The following RAPGEF6 variants were observed in gnomAD, a reference collection of about 807,000 sequenced individuals.
RAPGEF6 encodes the protein Rap guanine nucleotide exchange factor 6, also known as PDZ domain containing guanine nucleotide exchange factor (GEF) 2.
A neutral mutation model predicts 171.4 loss-of-function variants in RAPGEF6; 56 were observed. That is an observed-to-expected ratio of 0.33 (90% CI 0.26 to 0.41). RAPGEF6 has a LOEUF of 0.41. RAPGEF6 is among the 10% of genes least tolerant of loss of function. RAPGEF6 has a pLI of 1.00. For synonymous variants in RAPGEF6, 692 were observed against 650.1 expected (o/e 1.06, Z -0.98); for missense variants, 1,674 against 1,921.4 (o/e 0.87, Z 2.41).
chr5:131,613,924 T>C (rs895104858), intron 1 of RAPGEF6, among the ~76,000 whole-genome samples: 1 of 151,942 alleles, frequency 6.6e-6, no homozygotes, highest in Non-Finnish European at 1.5e-5. Context: ...AAGAACTGCA[T>C]AGAATCCGCT....
chr5:131,580,609 C>T (rs1303098727), intron 4 of RAPGEF6, among the ~76,000 whole-genome samples: 1 of 152,236 alleles, frequency 6.6e-6, no homozygotes, highest in Non-Finnish European at 1.5e-5. Context: ...AAAGGTTATT[C>T]ATAGACACTA....
intron 12 of RAPGEF6, among the ~76,000 whole-genome samples, chr5:131,496,541 G>A (rs1756651615): frequency 6.6e-6 from 1 of 152,128 alleles, no homozygotes; most frequent in African/African-American, 2.4e-5. Context: ...CCAGCCCCTG[G>A]CGGCCACTAG....
intron 3 of RAPGEF6, 141 bp from the exon 4 acceptor site, chr5:131,592,607 C>T: frequency 4.3e-6 from 6 of 1,410,312 alleles, no homozygotes; most frequent in Non-Finnish European, 5.6e-6. Context: ...GAATATTTTG[C>T]CTGTTGCCTA....
chr5:131,632,883 C>T (rs1442043631), intron 1 of RAPGEF6, among the ~76,000 whole-genome samples: 2 of 152,230 alleles, frequency 1.3e-5, no homozygotes, highest in East Asian at 3.8e-4. Context: ...TCTTATGCTG[C>T]TAGATGTCAG....
At position 131,428,889 on chromosome 5, in the gene RAPGEF6, C is replaced by G. The variant is rs1415566060; in HGVS notation, c.4780+13G>C. On this transcript the variant is annotated intron_variant, in intron 27 of 27. Coordinates refer to ENST00000509018, the MANE Select transcript of RAPGEF6 (RefSeq NM_016340.6). ...ATTCATTTAAGAGCCTTTAAGAGAG[C>G]TTGTCAACATACCATCTGCTTCGCT... The G allele has an allele frequency of 3.1e-6, 5 of 1,606,936 alleles. No individual in the cohort carries two copies. The highest frequency in any genetic ancestry group is 4.3e-6 in the Non-Finnish European group (5 of 1,174,626).
intron 9 of RAPGEF6, among the ~76,000 whole-genome samples, chr5:131,505,747 C>G (rs1470497122): frequency 1.3e-5 from 2 of 152,168 alleles, no homozygotes; most frequent in Non-Finnish European, 1.5e-5. Context: ...ACTGTCATAA[C>G]TGACCAGATT....
rs116020627 is a variant in RAPGEF6 at position 131,621,050 on chromosome 5, C to G, written c.69+13912G>C. Among the ~76,000 whole-genome samples the G allele has an allele frequency of 6.9e-3, 1,055 of 152,332 alleles. 8 individuals are homozygous for G. Among genetic ancestry groups the G allele is most frequent in the African/African-American group, 0.015 (620 of 41,574 alleles). ...ATTCTTGTCCCAGTGTTCCAGCTGC[C>G]TAGGCAACTTGCATGTACATACCAT... On this transcript the variant is annotated intron_variant, in intron 1 of 27. Coordinates refer to ENST00000509018, the MANE Select transcript of RAPGEF6 (RefSeq NM_016340.6).
At chr5:131,581,886 C>A (rs1762987237) in intron 4 of RAPGEF6, among the ~76,000 whole-genome samples, 1 of 151,936 alleles carries the variant, frequency 6.6e-6, no homozygotes. Flanking sequence ...TGACAATACA[C>A]CCTCCCTGCC....
chr5:131,504,526 A>C, intron 11 of RAPGEF6, 100 bp downstream of exon 11: 1 of 1,236,762 alleles, frequency 8.1e-7, no homozygotes, highest in Non-Finnish European at 1.1e-6. Context: ...CAAAGTGTTA[A>C]TGAATTATCT....
intron 6 of RAPGEF6, among the ~76,000 whole-genome samples, chr5:131,528,333 A>ATT (rs1391280439): frequency 3.6e-5 from 2 of 55,730 alleles, no homozygotes; most frequent in Non-Finnish European, 8.5e-5. Context: ...ATATATATAT[A>ATT]TATATACACA....
At chr5:131,623,764 C>A (rs1006298050) in intron 1 of RAPGEF6, among the ~76,000 whole-genome samples, 1 of 152,104 alleles carries the variant, frequency 6.6e-6, no homozygotes, top group African/African-American at 2.4e-5. Flanking sequence ...GGATTACAGG[C>A]GTGAGCCACT....
rs139780120 is a variant in RAPGEF6 at position 131,613,297 on chromosome 5, C to T, written c.70-8604G>A. ...TGGTGGCGGGCGCCTACAGTCCCAG[C>T]TTCTTGGGAGGCTGAGGCAGGAGAA... is the stretch of plus-strand genomic sequence containing the variant. On this transcript the variant is annotated intron_variant, in intron 1 of 27. Transcript: ENST00000509018. Among the ~76,000 whole-genome samples, 642 of 152,262 alleles carry T rather than the reference C, an allele frequency of 4.2e-3. 7 individuals carry two copies. The highest frequency in any genetic ancestry group is 0.015 in the African/African-American group (608 of 41,546).
rs1406603536 is a variant in RAPGEF6 at position 131,424,351 on chromosome 5, C to T, written c.*2915G>A. 2.0e-5 allele frequency: 3 copies of T among 152,346 alleles called. No individual in the cohort carries two copies. The highest frequency in any genetic ancestry group is 1.9e-4 in the East Asian group (1 of 5,338). 9.4% of individuals were successfully genotyped at this position (152,346 alleles called of 1,614,324 possible). A position where few individuals can be genotyped will look rare whatever the true frequency, so the allele number is the denominator to read the frequency against. On this transcript the variant is annotated 3_prime_UTR_variant, in exon 28 of 28. Transcript: ENST00000509018. Reference sequence around the variant, plus strand: ...TGAACATGTACTGTGACACTTTTGACACTTTTCTGAAGATTTATCCCGTTT... The same window carrying T: ...TGAACATGTACTGTGACACTTTTGATACTTTTCTGAAGATTTATCCCGTTT...
chr5:131,562,172 AC>A, intron 4 of RAPGEF6, 125 bp from the exon 5 acceptor site: 3 of 621,270 alleles, frequency 4.8e-6, no homozygotes, highest in Non-Finnish European at 8.1e-6. Context: ...TGATCCTGTC[AC>A]AATATTTATG....
At chr5:131,462,206 T>C in intron 18 of RAPGEF6, 118 bp from the exon 19 acceptor site, 1 of 856,850 alleles carries the variant, frequency 1.2e-6, no homozygotes. Flanking sequence ...GCCAAAAATA[T>C]TAATTTACAG....
chr5:131,573,105 T>C (rs1023018619), intron 4 of RAPGEF6, among the ~76,000 whole-genome samples: 1 of 152,056 alleles, frequency 6.6e-6, no homozygotes, highest in Non-Finnish European at 1.5e-5. Flanking sequence ...AATCCTCCTT[T>C]TCCACTGACC....
At chr5:131,609,472 C>T (rs975750957) in intron 1 of RAPGEF6, among the ~76,000 whole-genome samples, 7 of 152,152 alleles carry the variant, frequency 4.6e-5, no homozygotes, top group Admixed American at 4.6e-4. Context: ...AGGCATTAAA[C>T]ATGGAAGAGG....
intron 23 of RAPGEF6, chr5:131,439,926 T>C (rs1439521251): frequency 1.5e-5 from 12 of 816,938 alleles, no homozygotes; most frequent in Non-Finnish European, 2.2e-5. Flanking sequence ...CTGGTCAGCA[T>C]GGACCAGATT....
rs1055995319 is a variant in RAPGEF6 at position 131,442,277 on chromosome 5, G to A, written c.3610+72C>T. ...ACAACAGCTTATCTCCTGAACATCT[G>A]TAATTATTTTTCACTCTAACTCCCC... On this transcript the variant is annotated intron_variant, in intron 23 of 27. Transcript: ENST00000509018. The A allele has an allele frequency of 2.2e-6, 3 of 1,383,324 alleles. No individual in the cohort carries two copies. In the African/African-American group the frequency reaches 4.3e-5, roughly 20 times the overall value. 85.7% of individuals were successfully genotyped at this position (1,383,324 alleles called of 1,614,324 possible). A position where few individuals can be genotyped will look rare whatever the true frequency, so the allele number is the denominator to read the frequency against.
Sources: gnomAD v4.1 joint callset for allele counts (sites outside exome capture counted in the v4.1 genomes callset) on GRCh38, gnomAD v4.1.1 for gene constraint, MANE v1.5 for transcripts, NCBI Gene and HGNC (gene_info 2026-07-23, HGNC 2026-07-21) for gene names.